Variants in TAFA2 observed in about 807,000 individuals in gnomAD.
The protein encoded by TAFA2 is chemokine-like protein TAFA-2.
A neutral mutation model predicts 18.8 loss-of-function variants in TAFA2; 7 were observed. The observed-to-expected ratio is 0.37, with a 90% confidence interval of 0.21 to 0.70. The LOEUF (loss-of-function observed/expected upper bound fraction) is 0.70. TAFA2 is among the 30% of genes least tolerant of loss of function. The pLI, the probability that TAFA2 is intolerant of heterozygous loss-of-function variation, is 0.53. For synonymous variants in TAFA2, 60 were observed against 54.2 expected (o/e 1.11, Z -0.47); for missense variants, 122 against 158.1 (o/e 0.77, Z 1.23).
chr12:61,709,642 C>G lies in TAFA2; in HGVS notation c.*764G>C, dbSNP rs1869302953. The G allele has an allele frequency of 6.6e-6, 1 of 151,688 alleles. No homozygotes were observed. Among genetic ancestry groups the G allele is most frequent in the Admixed American group, 6.6e-5 (1 of 15,196 alleles). The allele number at this position is 151,688 out of a possible 1,614,324, so 9.4% of individuals were successfully genotyped here. A position where few individuals can be genotyped will look rare whatever the true frequency, so the allele number is the denominator to read the frequency against. On this transcript the variant is annotated 3_prime_UTR_variant, in exon 5 of 5. Transcript: ENST00000416284. ...AAAAAAAACAGAAAGGGAGAGTGCT[C>G]TAGAGGTACAAAGTATTATATAATG...
At chr12:62,200,557 T>C (rs2062667066) in intron 1 of TAFA2, among the ~76,000 whole-genome samples, 1 of 152,156 alleles carries the variant, frequency 6.6e-6, no homozygotes, top group Non-Finnish European at 1.5e-5. Flanking sequence ...AAAGATCAGA[T>C]GGTTGTAGAT....
intron 2 of TAFA2, among the ~76,000 whole-genome samples, chr12:61,823,500 T>C (rs1368413164): frequency 6.6e-6 from 1 of 152,152 alleles, no homozygotes; most frequent in Non-Finnish European, 1.5e-5. Context: ...AGGCCACAAA[T>C]ACCCCTTCAA....
intron 1 of TAFA2, among the ~76,000 whole-genome samples, chr12:62,176,176 T>C (rs1468683953): frequency 6.6e-6 from 1 of 152,220 alleles, no homozygotes. Context: ...TTGGTTTTAT[T>C]CTGCCATTTG....
At chr12:62,196,194 A>C (rs918438495), upstream of TAFA2, among the ~76,000 whole-genome samples, 1 of 152,202 alleles carries the variant, frequency 6.6e-6, no homozygotes, top group African/African-American at 2.4e-5. Context: ...AAGAGAGTTA[A>C]GGCTTTGCTC....
At chr12:61,840,507 A>G (rs1443375303) in intron 2 of TAFA2, among the ~76,000 whole-genome samples, 8 of 151,962 alleles carry the variant, frequency 5.3e-5, no homozygotes. Context: ...TTTTATGTAC[A>G]TGTTAATTTT....
chr12:61,809,915 G>A (rs1340751751), intron 2 of TAFA2, among the ~76,000 whole-genome samples: 2 of 151,096 alleles, frequency 1.3e-5, no homozygotes, highest in Middle Eastern at 3.2e-3. Flanking sequence ...ATTTCCAGGT[G>A]GTGATTTCTA....
At chr12:61,869,766 CCT>C (rs1874516314) in intron 1 of TAFA2, among the ~76,000 whole-genome samples, 1 of 152,030 alleles carries the variant, frequency 6.6e-6, no homozygotes, top group South Asian at 2.1e-4. Context: ...GCCTTTGTTT[CCT>C]CTCTCAGCAC....
At chr12:62,203,446 C>T (rs553084442) in intron 1 of TAFA2, among the ~76,000 whole-genome samples, 6 of 152,338 alleles carry the variant, frequency 3.9e-5, no homozygotes, top group South Asian at 2.1e-4. Context: ...GTGTTAAAGT[C>T]TCCCACTATT....
At chr12:61,879,364 G>A (rs1875009998) in intron 1 of TAFA2, 1 of 731,458 alleles carries the variant, frequency 1.4e-6, no homozygotes, top group East Asian at 3.1e-5. Context: ...TCCACCTCTG[G>A]CCCCCGGGCC....
chr12:62,245,005 G>A (rs1412269818), intron 1 of TAFA2, among the ~76,000 whole-genome samples: 2 of 152,062 alleles, frequency 1.3e-5, no homozygotes, highest in African/African-American at 2.4e-5. Flanking sequence ...ACATTGTACA[G>A]AAGTTTTTCA....
intron 2 of TAFA2, among the ~76,000 whole-genome samples, chr12:61,763,078 A>AT (rs1348165617): frequency 6.6e-6 from 1 of 152,028 alleles, no homozygotes; most frequent in Admixed American, 6.6e-5. Flanking sequence ...AATAGCTCAT[A>AT]TTTTTTAGAC....
intron 1 of TAFA2, among the ~76,000 whole-genome samples, chr12:61,930,035 T>C (rs1877488867): frequency 6.6e-6 from 1 of 151,348 alleles, no homozygotes; most frequent in Non-Finnish European, 1.5e-5. Context: ...GGGATAGCAT[T>C]AGGAGGTCTA....
chr12:62,096,010 A>G (rs1196463428), intron 1 of TAFA2, among the ~76,000 whole-genome samples: 1 of 152,104 alleles, frequency 6.6e-6, no homozygotes, highest in African/African-American at 2.4e-5. Context: ...TATTAGCAAA[A>G]CATCTCTCTA....
At chr12:62,001,336 A>G (rs1880369220) in intron 1 of TAFA2, among the ~76,000 whole-genome samples, 2 of 152,140 alleles carry the variant, frequency 1.3e-5, no homozygotes, top group African/African-American at 4.8e-5. Flanking sequence ...ATTCAAGCAC[A>G]TTACATTTAT....
Position 61,838,570 on chromosome 12 carries a change from T to C in TAFA2, c.106+28750A>G, listed in dbSNP as rs1873034636. Among the ~76,000 whole-genome samples the C allele has an allele frequency of 2.0e-5, 3 of 151,940 alleles. No individual in the cohort carries two copies. In the South Asian group the frequency reaches 6.2e-4, roughly 31 times the overall value. The stretch of plus-strand genomic sequence containing the variant: ...GGAGAGCTAGGATCATGTGGGGCCT[T>C]TTGCGCATGTACAGGATTTGGGATT... On this transcript the variant is annotated intron_variant, in intron 2 of 4. Transcript: ENST00000416284.
intron 1 of TAFA2, chr12:62,234,836 C>T: frequency 9.7e-7 from 1 of 1,029,122 alleles, no homozygotes; most frequent in Non-Finnish European, 1.5e-6. Context: ...TTACGAGAGT[C>T]CTGAGATCCT....
chr12:62,064,255 T>C (rs188272317), intron 1 of TAFA2, among the ~76,000 whole-genome samples: 2 of 152,222 alleles, frequency 1.3e-5, no homozygotes, highest in African/African-American at 4.8e-5. Flanking sequence ...GACAAAGATA[T>C]TTATATTTTG....
chr12:61,721,122 A>G (rs915653232), intron 4 of TAFA2, among the ~76,000 whole-genome samples: 4 of 152,132 alleles, frequency 2.6e-5, no homozygotes, highest in Non-Finnish European at 4.4e-5. Context: ...TCATTTTTTA[A>G]TTTCAAAGAG....
At chr12:62,056,543 A>T (rs1466168261) in intron 1 of TAFA2, among the ~76,000 whole-genome samples, 1 of 152,140 alleles carries the variant, frequency 6.6e-6, no homozygotes, top group Non-Finnish European at 1.5e-5. Flanking sequence ...CCTGAAGTCC[A>T]TGGGCTCCCC....
Sources: gnomAD v4.1 joint callset for allele counts (sites outside exome capture counted in the v4.1 genomes callset) on GRCh38, gnomAD v4.1.1 for gene constraint, MANE v1.5 for transcripts, NCBI Gene and HGNC (gene_info 2026-07-23, HGNC 2026-07-21) for gene names.